The following CEP57L1 variants were observed in gnomAD, a reference collection of about 807,000 sequenced individuals.
The protein encoded by CEP57L1 is centrosomal protein 57 like 1.
CEP57L1 carries 37 observed loss-of-function variants against 61.0 expected under a neutral mutation model. The ratio of observed to expected loss-of-function variants is 0.61; its 90% CI spans 0.47 to 0.80. CEP57L1 has a LOEUF of 0.80. Among genes scored for constraint, CEP57L1 ranks in the 30% least tolerant of loss-of-function variants. The pLI, the probability that CEP57L1 is intolerant of heterozygous loss-of-function variation, is 0.00. For missense variants in CEP57L1, 422 were observed against 524.7 expected (o/e 0.80, Z 1.91); for synonymous variants, 137 against 162.3 (o/e 0.84, Z 1.19).
At chr6:109,147,314 C>A (rs527365178) in intron 3 of CEP57L1, among the ~76,000 whole-genome samples, 62 of 151,698 alleles carry the variant, frequency 4.1e-4, no homozygotes, top group African/African-American at 1.4e-3. Flanking sequence ...ATTTGAAATA[C>A]AGAACAACAC....
chr6:109,095,333 A>G, upstream of CEP57L1: 1 of 985,972 alleles, frequency 1.0e-6, no homozygotes, highest in Non-Finnish European at 1.2e-6. Context: ...GACTCCTGGA[A>G]GAAATTGAGT....
At position 109,167,682 on chromosome 6, in the gene CEP57L1, A is replaced by G. The variant is rs900114017; in HGVS notation, c.*4712A>G. Among the ~76,000 whole-genome samples the G allele has an allele frequency of 3.1e-5, 4 of 129,338 alleles. No homozygotes were observed. Among genetic ancestry groups the G allele is most frequent in the African/African-American group, 1.2e-4 (4 of 32,190 alleles). The allele number at this position is 129,338 out of a possible 152,430, so 84.9% of individuals were successfully genotyped here. ...ACAGAGCAAGACTCTGCCTCAAAGC[A>G]AAAAAAAAAAGAAAAGAAAAGAAAA... On this transcript the variant is annotated 3_prime_UTR_variant, in exon 11 of 11. Transcript: ENST00000517392.
At chr6:109,116,380 T>C (rs1290896173) in intron 1 of CEP57L1, among the ~76,000 whole-genome samples, 1 of 152,132 alleles carries the variant, frequency 6.6e-6, no homozygotes, top group Non-Finnish European at 1.5e-5. Flanking sequence ...TTTCTCCATG[T>C]TGGTCAGGCT....
intron 1 of CEP57L1, among the ~76,000 whole-genome samples, chr6:109,140,971 C>T (rs1435936985): frequency 2.0e-5 from 3 of 151,818 alleles, no homozygotes; most frequent in Admixed American, 6.6e-5. Context: ...GCTGGGACTA[C>T]GGGCGCCCAC....
chr6:109,169,157 C>T lies in CEP57L1; in HGVS notation c.*6187C>T, dbSNP rs1218459680. On this transcript the variant is annotated 3_prime_UTR_variant, in exon 11 of 11. Coordinates refer to ENST00000517392, the MANE Select transcript of CEP57L1 (RefSeq NM_001271852.3). ...CAGAGGATTGCTTGAACCAGGGAGGCGGAGGTTGCAGTAAGCTGAGATTGT... is the reference window on the plus strand; with the variant it reads ...CAGAGGATTGCTTGAACCAGGGAGGTGGAGGTTGCAGTAAGCTGAGATTGT... 7.3e-6 allele frequency among the ~76,000 whole-genome samples: 1 copy of T among 137,040 alleles called. No homozygotes were observed. Among genetic ancestry groups the T allele is most frequent in the South Asian group, 2.4e-4 (1 of 4,162 alleles). The allele number at this position is 137,040 out of a possible 152,430, so 89.9% of individuals were successfully genotyped here. A position where few individuals can be genotyped will look rare whatever the true frequency, so the allele number is the denominator to read the frequency against.
Position 109,111,701 on chromosome 6 carries a change from A to G in CEP57L1, c.-4+16126A>G, listed in dbSNP as rs546078297. 2.6e-5 allele frequency among the ~76,000 whole-genome samples: 4 copies of G among 152,330 alleles called. No individual in the cohort carries two copies. The South Asian group carries it at 6.2e-4, about 24-fold the overall frequency. ...TATTATTTTGAGATGCGTTCCATCA[A>G]TACCTACTTTATTGAGAGTTTTTAT... On this transcript the variant is annotated intron_variant, in intron 1 of 10. Transcript: ENST00000517392.
rs148273192 is a variant in CEP57L1, at chr6:109,166,706, T to C, written c.*3736T>C. 1.3e-5 allele frequency among the ~76,000 whole-genome samples: 2 copies of C among 152,154 alleles called. No individual in the cohort carries two copies. The highest frequency in any genetic ancestry group is 2.9e-5 in the Non-Finnish European group (2 of 68,024). On this transcript the variant is annotated 3_prime_UTR_variant, in exon 11 of 11. Transcript: ENST00000517392. ...CCTAAATGTGTATTCTTATCCATGA[T>C]AAGAGATCAAAAATTAAATAAAAAT...
Position 109,145,217 on chromosome 6 carries a change from A to C in CEP57L1, c.-3-2A>C. The stretch of plus-strand genomic sequence containing the variant: ...ACTATATCATTCCTTTATTCTCTAC[A>C]GATAATGGATTCTGAATTAATGCAT... On this transcript the variant is annotated splice_acceptor_variant, in intron 1 of 10. Coordinates refer to ENST00000517392, the MANE Select transcript of CEP57L1 (RefSeq NM_001271852.3). LOFTEE classifies it low-confidence loss of function (5UTR_SPLICE). The C allele has an allele frequency of 6.5e-7, 1 of 1,547,774 alleles. No individual in the cohort carries two copies. The highest frequency in any genetic ancestry group is 8.8e-7 in the Non-Finnish European group (1 of 1,134,656).
At chr6:109,138,933 G>T (rs1771039354) in intron 1 of CEP57L1, among the ~76,000 whole-genome samples, 1 of 152,226 alleles carries the variant, frequency 6.6e-6, no homozygotes, top group South Asian at 2.1e-4. Context: ...GTAGATCTTA[G>T]CAACCTCAGC....
At chr6:109,117,201 GTAAAATATCATGGATTTA>G (rs1416946210) in intron 1 of CEP57L1, among the ~76,000 whole-genome samples, 2 of 152,018 alleles carry the variant, frequency 1.3e-5, no homozygotes, top group African/African-American at 4.8e-5. Flanking sequence ...AGCTATTATA[GTAAAATATCATGGATTTA>G]TATATAACGT....
chr6:109,119,449 C>T (rs1176999555), intron 1 of CEP57L1, among the ~76,000 whole-genome samples: 1 of 152,052 alleles, frequency 6.6e-6, no homozygotes, highest in Non-Finnish European at 1.5e-5. Flanking sequence ...GTGTTGACCT[C>T]CTCAGGACTT....
intron 1 of CEP57L1, among the ~76,000 whole-genome samples, chr6:109,138,927 A>G (rs1562104628): frequency 6.6e-6 from 1 of 152,176 alleles, no homozygotes; most frequent in Non-Finnish European, 1.5e-5. Context: ...CTTACTGTAG[A>G]TCTTAGCAAC....
In CEP57L1 at chr6:109,160,578, C is replaced by T. The variant is rs374611594; in HGVS notation, c.1023C>T (p.His341=). 1.3e-4 allele frequency: 207 copies of T among 1,603,286 alleles called. No homozygotes were observed. The highest frequency in any genetic ancestry group is 1.6e-4 in the Non-Finnish European group (185 of 1,175,664). The change falls in exon 10 of 11, where the codon CAC becomes CAT. Residue 341 remains histidine (H), a synonymous_variant. Coordinates refer to ENST00000517392, the MANE Select transcript of CEP57L1 (RefSeq NM_001271852.3). ...QDELDQMSME[H]QELLKQMKET... is the part of the protein sequence containing the mutation. Reference sequence around the variant, plus strand: ...ATTTGCTATTCTTTCATAGGGAGCACCAAGAACTACTGAAACAAATGAAGG... The same window carrying T: ...ATTTGCTATTCTTTCATAGGGAGCATCAAGAACTACTGAAACAAATGAAGG...
rs183193588 is a variant in CEP57L1 at position 109,157,448 on chromosome 6, A to G, written c.744+1571A>G. ...ATATATAAGTATAAAACAGTATAAT[A>G]GAAGATTAATAGAGGTTTAAACAAA... On this transcript the variant is annotated intron_variant, in intron 7 of 10. Coordinates refer to ENST00000517392, the MANE Select transcript of CEP57L1 (RefSeq NM_001271852.3). 33 of 152,364 alleles carry G rather than the reference A, an allele frequency of 2.2e-4. No individual in the cohort carries two copies. In the East Asian group the frequency reaches 5.4e-3, roughly 25 times the overall value. The allele number at this position is 152,364 out of a possible 1,614,324, so 9.4% of individuals were successfully genotyped here.
intron 1 of CEP57L1, among the ~76,000 whole-genome samples, chr6:109,103,687 T>A (rs1288162362): frequency 6.6e-6 from 1 of 152,148 alleles, no homozygotes; most frequent in Non-Finnish European, 1.5e-5. Context: ...TCTCTAGTAT[T>A]TCTGACATAT....
intron 1 of CEP57L1, among the ~76,000 whole-genome samples, chr6:109,134,506 A>G (rs1338591708): frequency 6.6e-6 from 1 of 152,202 alleles, no homozygotes; most frequent in African/African-American, 2.4e-5. Flanking sequence ...CTGGCACAAG[A>G]CAGGGATGCC....
At chr6:109,156,162 T>C in intron 7 of CEP57L1, 1 of 184,508 alleles carries the variant, frequency 5.4e-6, no homozygotes, top group Non-Finnish European at 1.1e-5. Context: ...TAGCTATCTT[T>C]GTGAAATAAC....
Position 109,164,230 on chromosome 6 carries a change from T to C in CEP57L1, c.*1260T>C, listed in dbSNP as rs1231530064. Among the ~76,000 whole-genome samples, 1 of 152,194 alleles carries C rather than the reference T, an allele frequency of 6.6e-6. No individual in the cohort carries two copies. Among genetic ancestry groups the C allele is most frequent in the East Asian group, 1.9e-4 (1 of 5,200 alleles). On this transcript the variant is annotated 3_prime_UTR_variant, in exon 11 of 11. Transcript: ENST00000517392. ...ATTTTTAAAAGACAGTTTTTCTGTTTTCCTAGGAAATTCCCAAGAAGCTTG... is the reference window on the plus strand; with the variant it reads ...ATTTTTAAAAGACAGTTTTTCTGTTCTCCTAGGAAATTCCCAAGAAGCTTG...
chr6:109,164,910 C>T lies in CEP57L1; in HGVS notation c.*1940C>T, dbSNP rs1044185672. 7.9e-5 allele frequency among the ~76,000 whole-genome samples: 12 copies of T among 151,878 alleles called. No homozygotes were observed. Among genetic ancestry groups the T allele is most frequent in the Non-Finnish European group, 4.4e-5 (3 of 67,976 alleles). On this transcript the variant is annotated 3_prime_UTR_variant, in exon 11 of 11. Transcript: ENST00000517392. ...TCCTGGCCAACATGTGAAACCCTGT[C>T]TCTACTAAATTACAAAAATTAGCCG...
Sources: gnomAD v4.1 joint callset for allele counts (sites outside exome capture counted in the v4.1 genomes callset) on GRCh38, gnomAD v4.1.1 for gene constraint, MANE v1.5 for transcripts, NCBI Gene and HGNC (gene_info 2026-07-23, HGNC 2026-07-21) for gene names.